SMARCA2: variants seen among roughly 807,000 people sequenced by gnomAD.
SMARCA2 encodes the protein SWI/SNF related BAF chromatin remodeling complex subunit ATPase 2, also known as SWI/SNF-related matrix-associated actin-dependent regulator of chromatin subfamily A member 2.
A neutral mutation model predicts 199.8 loss-of-function variants in SMARCA2; 61 were observed. The observed-to-expected ratio is 0.31, with a 90% CI of 0.25 to 0.38. The LOEUF (loss-of-function observed/expected upper bound fraction) is 0.38. SMARCA2 is among the 10% of genes least tolerant of loss of function. The pLI is 1.00. For missense variants in SMARCA2, 1,344 were observed against 2,012.2 expected (o/e 0.67, Z 6.35); for synonymous variants, 935 against 732.0 (o/e 1.28, Z -4.48).
At chr9:2,066,118 G>T (rs185845594) in intron 9 of SMARCA2, among the ~76,000 whole-genome samples, 1 of 152,136 alleles carries the variant, frequency 6.6e-6, no homozygotes, top group Non-Finnish European at 1.5e-5. Flanking sequence ...TGAAAGCTTA[G>T]GTTTCCAGCA....
intron 23 of SMARCA2, among the ~76,000 whole-genome samples, chr9:2,105,774 G>T (rs1470944540): frequency 6.6e-6 from 1 of 152,148 alleles, no homozygotes; most frequent in Non-Finnish European, 1.5e-5. Flanking sequence ...CTCAAGTGAG[G>T]GGCTGTGGGG....
chr9:2,088,097 C>T (rs944285781), intron 18 of SMARCA2, among the ~76,000 whole-genome samples: 1 of 152,138 alleles, frequency 6.6e-6, no homozygotes, highest in East Asian at 1.9e-4. Flanking sequence ...CTGAGACAAC[C>T]AAGACGAAGG....
intron 9 of SMARCA2, among the ~76,000 whole-genome samples, chr9:2,070,071 A>G (rs754331670): frequency 6.6e-6 from 1 of 152,194 alleles, no homozygotes; most frequent in Non-Finnish European, 1.5e-5. Flanking sequence ...TAATTATGTC[A>G]GGATATATCT....
At chr9:2,100,236 G>C (rs1012219086) in intron 21 of SMARCA2, among the ~76,000 whole-genome samples, 1 of 152,222 alleles carries the variant, frequency 6.6e-6, no homozygotes, top group Non-Finnish European at 1.5e-5. Flanking sequence ...TTCTCATAAA[G>C]TCAGAATGGA....
In SMARCA2 at chr9:2,169,898, A is replaced by G. The variant is rs734031; in HGVS notation, c.4200-521A>G. On this transcript the variant is annotated intron_variant, in intron 28 of 33. Coordinates refer to ENST00000349721, the MANE Select transcript of SMARCA2 (RefSeq NM_003070.5). The surrounding 1 kb of genome is among the most constrained non-coding windows in gnomAD (Gnocchi z 6.5). ...TCTCGAAAAGGAATAGAGCTCTTGG[A>G]AGCAGAGCTGACTAGTTAGATGGTG... Among the ~76,000 whole-genome samples, 14,690 of 152,252 alleles carry G rather than the reference A, an allele frequency of 0.096. 867 individuals are homozygous for G. Among genetic ancestry groups the G allele is most frequent in the East Asian group, 0.29 (1,486 of 5,178 alleles).
intron 14 of SMARCA2, among the ~76,000 whole-genome samples, chr9:2,078,269 C>T (rs754917562): frequency 2.6e-5 from 4 of 151,730 alleles, no homozygotes; most frequent in Non-Finnish European, 5.9e-5. Flanking sequence ...GTCAGGAGCT[C>T]GAGACCAGCC....
At position 2,110,712 on chromosome 9, in the gene SMARCA2, A is replaced by C. The variant is rs773430714; in HGVS notation, c.3456+295A>C. Among the ~76,000 whole-genome samples the C allele has an allele frequency of 7.2e-5, 11 of 152,226 alleles. No individual in the cohort carries two copies. The highest frequency in any genetic ancestry group is 2.9e-5 in the Non-Finnish European group (2 of 68,048). On this transcript the variant is annotated intron_variant, in intron 24 of 33. Coordinates refer to ENST00000349721, the MANE Select transcript of SMARCA2 (RefSeq NM_003070.5). The surrounding 1 kb of genome is among the most constrained non-coding windows in gnomAD (Gnocchi z 4.8). Reference sequence around the variant, plus strand: ...AGTATATTTAATGAGGGATAAGTCAAAAATGTTGCAAAATCATAGCAGTAA... The same window carrying C: ...AGTATATTTAATGAGGGATAAGTCACAAATGTTGCAAAATCATAGCAGTAA...
At position 2,056,970 on chromosome 9, in the gene SMARCA2, G is replaced by A. The variant is rs893652423; in HGVS notation, c.1347+125G>A. 4 of 792,780 alleles carry A rather than the reference G, an allele frequency of 5.0e-6. No homozygotes were observed. The highest frequency in any genetic ancestry group is 5.4e-5 in the East Asian group (2 of 37,138). The allele number at this position is 792,780 out of a possible 1,614,324, so 49.1% of individuals were successfully genotyped here. ...TGGTGGGGACATCACAGAACAGAAC[G>A]GTTCCTTGACATGTACATAATCCAA... On this transcript the variant is annotated intron_variant, in intron 7 of 33. Transcript: ENST00000349721. This position sits in a 1 kb window ranked among gnomAD's most constrained non-coding sequence, Gnocchi z 4.0.
At chr9:2,099,440 C>T (rs997941115) in intron 21 of SMARCA2, among the ~76,000 whole-genome samples, 3 of 152,106 alleles carry the variant, frequency 2.0e-5, no homozygotes, top group Non-Finnish European at 2.9e-5. Flanking sequence ...CCCCTTGAGC[C>T]ATGCTGGGCT....
At chr9:2,023,904 TA>T (rs907152713) in intron 1 of SMARCA2, among the ~76,000 whole-genome samples, 1 of 152,230 alleles carries the variant, frequency 6.6e-6, no homozygotes, top group African/African-American at 2.4e-5. Flanking sequence ...ACTCTTATCT[TA>T]ACTATCTCCT....
chr9:2,041,160 G>T (rs548159149), intron 4 of SMARCA2: 201 of 393,304 alleles, frequency 5.1e-4, no homozygotes, highest in African/African-American at 3.8e-3. Context: ...TATTGAGTTT[G>T]TATACGTTTA....
chr9:2,168,492 G>A (rs1435776034), intron 28 of SMARCA2, among the ~76,000 whole-genome samples: 3 of 152,110 alleles, frequency 2.0e-5, no homozygotes, highest in African/African-American at 4.8e-5. Flanking sequence ...TCTCCAGAAG[G>A]GCAGGGCTCT....
chr9:2,032,786 C>A, intron 2 of SMARCA2, 166 bp from the exon 3 acceptor site: 2 of 534,188 alleles, frequency 3.7e-6, no homozygotes, highest in Non-Finnish European at 6.5e-6. Context: ...ATTTGACTTA[C>A]AGATAGTTTG....
chr9:2,034,242 CAA>C (rs759792374), intron 3 of SMARCA2, among the ~76,000 whole-genome samples: 636 of 64,142 alleles, frequency 9.9e-3, no homozygotes, highest in African/African-American at 0.033. Flanking sequence ...GACTGCGTCT[CAA>C]AAAAAAAAAA....
At chr9:2,175,225 G>A (rs1162502939) in intron 29 of SMARCA2, among the ~76,000 whole-genome samples, 1 of 152,074 alleles carries the variant, frequency 6.6e-6, no homozygotes, top group Non-Finnish European at 1.5e-5. Context: ...CAGAAAAGTA[G>A]CCATCCTAAG....
chr9:2,083,182 A>G (rs1415702769), intron 15 of SMARCA2, among the ~76,000 whole-genome samples, 165 bp from the exon 16 acceptor site: 1 of 152,068 alleles, frequency 6.6e-6, no homozygotes, highest in Non-Finnish European at 1.5e-5. Flanking sequence ...TTTGTTTTGA[A>G]CTTATCTCCT....
rs527547592 is a variant in SMARCA2 at position 2,158,679 on chromosome 9, C to T, written c.3982-3007C>T. ...TTTTTTTTGTGTGTGACCCCCCAGC[C>T]CCCAGCGCTGAGTTTGAGTCAGTTG... On this transcript the variant is annotated intron_variant, in intron 27 of 33. Transcript: ENST00000349721. The T allele has an allele frequency of 2.5e-4, 90 of 354,976 alleles. 1 individual carries two copies. The highest frequency in any genetic ancestry group is 1.7e-3 in the African/African-American group (83 of 47,730). 22.0% of individuals were successfully genotyped at this position (354,976 alleles called of 1,614,324 possible).
At chr9:2,139,711 C>T (rs980365736) in intron 27 of SMARCA2, among the ~76,000 whole-genome samples, 2 of 152,124 alleles carry the variant, frequency 1.3e-5, no homozygotes, top group Non-Finnish European at 2.9e-5. Context: ...GAAAAGACAT[C>T]TCAAGACACC....
chr9:2,028,870 G>A, intron 1 of SMARCA2, 117 bp from the exon 2 acceptor site: 1 of 819,632 alleles, frequency 1.2e-6, no homozygotes. Context: ...ACTAGACAGG[G>A]CAGCTCTGTT....
Sources: allele counts gnomAD v4.1 joint callset (sites outside exome capture counted in the v4.1 genomes callset), GRCh38; gene constraint gnomAD v4.1.1; non-coding constraint Gnocchi (gnomAD v3.1); transcripts MANE v1.5; gene names NCBI Gene and HGNC (gene_info 2026-07-23, HGNC 2026-07-21).